Variants in HNRNPU observed in about 807,000 individuals in gnomAD.
HNRNPU encodes the protein heterogeneous nuclear ribonucleoprotein U.
A neutral mutation model predicts 94.7 loss-of-function variants in HNRNPU; 5 were observed. The observed-to-expected ratio is 0.05, with a 90% CI of 0.03 to 0.11. HNRNPU has a LOEUF of 0.11. HNRNPU is among the 10% of genes least tolerant of loss of function. The probability of loss-of-function intolerance (pLI) is 1.00; values close to 1 mark genes in which losing one functional copy is unlikely to be tolerated. For synonymous variants in HNRNPU, 434 were observed against 381.6 expected (o/e 1.14, Z -1.60); for missense variants, 710 against 1,049.2 (o/e 0.68, Z 4.47).
rs753245353 is a variant in HNRNPU at position 244,855,567 on chromosome 1, G to A, written c.2209C>T (p.Pro737Ser). 1 of 1,613,650 alleles carries A rather than the reference G, an allele frequency of 6.2e-7. No homozygotes were observed. Among genetic ancestry groups the A allele is most frequent in the East Asian group, 2.2e-5 (1 of 44,802 alleles). Residue 737 changes from proline to serine, a missense_variant, in exon 12 of 14, where the codon CCA becomes TCA. Coordinates refer to ENST00000640218, the MANE Select transcript of HNRNPU (RefSeq NM_031844.3). ...RGGYNRRGNMPQRGGGGGGSG... is the reference protein window; with the variant it reads ...RGGYNRRGNMSQRGGGGGGSG... Reference sequence around the variant, plus strand: ...CCTCCACCGCCACCACCTCTCTGTGGCATGTTGCCCCTCCTATTATATCCG... The same window carrying A: ...CCTCCACCGCCACCACCTCTCTGTGACATGTTGCCCCTCCTATTATATCCG...
intron 1 of HNRNPU, 95 bp from the exon 2 acceptor site, chr1:244,862,825 CT>C: frequency 1.2e-6 from 1 of 829,310 alleles, no homozygotes; most frequent in Non-Finnish European, 2.1e-6. Flanking sequence ...CTTTATCCTG[CT>C]TTTTAACTGA....
rs1680870795 is a variant in HNRNPU at position 244,862,726 on chromosome 1, G to A, written c.696C>T (p.Asp232=). 1 of 1,612,778 alleles carries A rather than the reference G, an allele frequency of 6.2e-7. No individual in the cohort carries two copies. The change falls in exon 2 of 14, where the codon GAC becomes GAT. Residue 232 remains aspartate (D), a synonymous_variant. Transcript: ENST00000640218. ...GGRPGAPAAG[D]GKTEQKGGDK... ...CTCCGCCTTTCTGTTCTGTTTTGCCGTCCCCTAAAACACACACGAGCCCCA... is the reference window on the plus strand; with the variant it reads ...CTCCGCCTTTCTGTTCTGTTTTGCCATCCCCTAAAACACACACGAGCCCCA...
intron 3 of HNRNPU, chr1:244,860,898 T>C (rs1237153403): frequency 1.1e-5 from 2 of 186,042 alleles, no homozygotes; most frequent in Non-Finnish European, 2.2e-5. Flanking sequence ...TATTTTAAAA[T>C]AGGAGTATGA....
At chr1:244,862,429 T>C (rs1203448543) in intron 3 of HNRNPU, 32 bp downstream of exon 3, 2 of 1,285,998 alleles carry the variant, frequency 1.6e-6, no homozygotes, top group African/African-American at 1.6e-5. Context: ...CATCACCGCA[T>C]TTCATAATTG....
chr1:244,857,313 T>C, intron 8 of HNRNPU: 1 of 300,754 alleles, frequency 3.3e-6, no homozygotes, highest in Non-Finnish European at 6.1e-6. Context: ...TGGCACGATC[T>C]CAACTCACTG....
rs549077007 is a variant in HNRNPU, at chr1:244,863,062, G to A, written c.692-332C>T. ...CGGCGCGGCGGCGCTCCCCTCCCCC[G>A]CGGGCCCGCGCTCCCCGCGGCCGCA... On this transcript the variant is annotated intron_variant, in intron 1 of 13. Coordinates refer to ENST00000640218, the MANE Select transcript of HNRNPU (RefSeq NM_031844.3). The A allele has an allele frequency of 1.7e-4, 51 of 295,760 alleles. 1 individual carries two copies. In the South Asian group the frequency reaches 2.2e-3, roughly 13 times the overall value. The allele number at this position is 295,760 out of a possible 1,614,324, so 18.3% of individuals were successfully genotyped here.
rs986959117 is a variant in HNRNPU at position 244,851,254 on chromosome 1, GTTT to G, written c.*3193_*3195del. ...TGTTTATGCCTCTCTGTTTATTCTAGTTTTTTAAAAATCAAATATACAAGATCT... is the reference window on the plus strand; with the variant it reads ...TGTTTATGCCTCTCTGTTTATTCTAGTTTAAAAATCAAATATACAAGATCT... On this transcript the variant is annotated 3_prime_UTR_variant, in exon 14 of 14. Coordinates refer to ENST00000640218, the MANE Select transcript of HNRNPU (RefSeq NM_031844.3). 8 of 151,772 alleles carry G rather than the reference GTTT, an allele frequency of 5.3e-5. No individual in the cohort carries two copies. Among genetic ancestry groups the G allele is most frequent in the Non-Finnish European group, 8.8e-5 (6 of 67,930 alleles). 9.4% of individuals were successfully genotyped at this position (151,772 alleles called of 1,614,324 possible). A position where few individuals can be genotyped will look rare whatever the true frequency, so the allele number is the denominator to read the frequency against.
rs747403316 is a variant in HNRNPU at position 244,863,766 on chromosome 1, T to C, written c.542A>G (p.Lys181Arg). ...QQPQQQRGAA[K>R]EAAGKSSGPT... is the part of the protein sequence containing the mutation. ...GCCGCTGCTCTTCCCCGCGGCCTCC[T>C]TGGCGGCCCCGCGCTGCTGTTGGGG... Residue 181 changes from lysine to arginine, a missense_variant, in exon 1 of 14, where the codon AAG becomes AGG. Transcript: ENST00000640218. 16 of 1,594,174 alleles carry C rather than the reference T, an allele frequency of 1.0e-5. No individual in the cohort carries two copies. The highest frequency in any genetic ancestry group is 1.2e-5 in the Non-Finnish European group (14 of 1,172,768).
Position 244,855,900 on chromosome 1 carries a change from T to C in HNRNPU, c.2167+4A>G, listed in dbSNP as rs1166714593. ...TAAATACAGAACACTCAAAATTAAC[T>C]TGCCTCCTCCTCTGAAATTTCCACC... On this transcript the variant is annotated splice_donor_region_variant and intron_variant, in intron 11 of 13. Coordinates refer to ENST00000640218, the MANE Select transcript of HNRNPU (RefSeq NM_031844.3). The C allele has an allele frequency of 6.2e-7, 1 of 1,613,028 alleles. No individual in the cohort carries two copies. The highest frequency in any genetic ancestry group is 2.2e-5 in the East Asian group (1 of 44,854).
Position 244,852,423 on chromosome 1 carries a change from GAAGA to G in HNRNPU, c.*2023_*2026del, listed in dbSNP as rs1680571228. The G allele has an allele frequency of 6.6e-6, 1 of 152,086 alleles. No homozygotes were observed. Among genetic ancestry groups the G allele is most frequent in the Admixed American group, 6.6e-5 (1 of 15,254 alleles). The allele number at this position is 152,086 out of a possible 1,614,324, so 9.4% of individuals were successfully genotyped here. A position where few individuals can be genotyped will look rare whatever the true frequency, so the allele number is the denominator to read the frequency against. On this transcript the variant is annotated 3_prime_UTR_variant, in exon 14 of 14. Transcript: ENST00000640218. ...TTCCTTAATAAGCAATTTTAAACTA[GAAGA>G]TATATCCAAAACTTTTTAAAGGCAC...
intron 3 of HNRNPU, 66 bp downstream of exon 3, chr1:244,862,395 T>TAAA (rs56937404): frequency 0.11 from 81,633 of 772,916 alleles, 1,630 homozygotes; most frequent in Middle Eastern, 0.16. Context: ...TTAAGACTTC[T>TAAA]AAAAAAAAAA....
Position 244,855,013 on chromosome 1 carries a change from T to C in HNRNPU, c.2384A>G (p.Tyr795Cys). ...GTTGTAGCCCTGAGATTGATTTTTG[T>C]AGCCACGATTGTTTCCTCGTCCTCT... ...NFRGRGNNRG[Y>C]KNQSQGYNQW... The change falls in exon 13 of 14, where the codon TAC (tyrosine) becomes TGC (cysteine). Residue 795 changes from tyrosine to cysteine, a missense_variant. Physicochemically the swap from Tyr to Cys is radical, Grantham distance 194 (BLOSUM62 -2). Transcript: ENST00000640218. The C allele has an allele frequency of 6.2e-7, 1 of 1,613,938 alleles. No homozygotes were observed. The highest frequency in any genetic ancestry group is 8.5e-7 in the Non-Finnish European group (1 of 1,179,808).
In HNRNPU at chr1:244,856,951, A is replaced by T. The variant is rs1332149715; in HGVS notation, c.1615-95T>A. 5 of 1,010,326 alleles carry T rather than the reference A, an allele frequency of 4.9e-6. No homozygotes were observed. The Admixed American group carries it at 9.8e-5, about 20-fold the overall frequency. 62.6% of individuals were successfully genotyped at this position (1,010,326 alleles called of 1,614,324 possible). A position where few individuals can be genotyped will look rare whatever the true frequency, so the allele number is the denominator to read the frequency against. ...CTCATATCTATATGTAAAGCAGGCA[A>T]CATTTTATAATTTAAATATTACCTT... On this transcript the variant is annotated intron_variant, in intron 8 of 13. Coordinates refer to ENST00000640218, the MANE Select transcript of HNRNPU (RefSeq NM_031844.3).
chr1:244,863,556 G>A, intron 1 of HNRNPU, 61 bp downstream of exon 1: 2 of 1,309,838 alleles, frequency 1.5e-6, no homozygotes, highest in Admixed American at 4.2e-5. Flanking sequence ...GGCAGGCCTG[G>A]GGCACGGTCC....
rs566074811 is a variant in HNRNPU at position 244,853,770 on chromosome 1, A to G, written c.*680T>C. The G allele has an allele frequency of 1.3e-5, 2 of 152,826 alleles. No homozygotes were observed. The highest frequency in any genetic ancestry group is 2.4e-5 in the African/African-American group (1 of 41,590). 9.5% of individuals were successfully genotyped at this position (152,826 alleles called of 1,614,324 possible). A position where few individuals can be genotyped will look rare whatever the true frequency, so the allele number is the denominator to read the frequency against. ...TTAACCTTCACAAGTTTGAGCCTCCACAAATAATGCAACCAAGTTTTACAT... is the reference window on the plus strand; with the variant it reads ...TTAACCTTCACAAGTTTGAGCCTCCGCAAATAATGCAACCAAGTTTTACAT... On this transcript the variant is annotated 3_prime_UTR_variant, in exon 14 of 14. Coordinates refer to ENST00000640218, the MANE Select transcript of HNRNPU (RefSeq NM_031844.3).
In HNRNPU at chr1:244,863,906, G is replaced by A. The variant is rs1263252282; in HGVS notation, c.402C>T (p.Asp134=). ...CTTCCCCTTCCTGGAAACCCTGATC[G>A]TCGCCGTTCTCGTCTTCCGAGGCGG... ...EEAASEDENG[D]DQGFQEGEDE... Residue 134 remains aspartate (D), a synonymous_variant, in exon 1 of 14, where the codon GAC becomes GAT. Transcript: ENST00000640218. 5 of 1,613,686 alleles carry A rather than the reference G, an allele frequency of 3.1e-6. No individual in the cohort carries two copies. Among genetic ancestry groups the A allele is most frequent in the African/African-American group, 2.7e-5 (2 of 74,872 alleles).
chr1:244,860,510 T>C lies in HNRNPU; in HGVS notation c.878-36A>G, dbSNP rs774356084. The C allele has an allele frequency of 2.1e-5, 32 of 1,549,572 alleles. No homozygotes were observed. The East Asian group carries it at 7.0e-4, about 34-fold the overall frequency. ...ATCAAATACTGTGTTACTTTTGACA[T>C]CCAATGTAAACATATCTGCTATGTA... On this transcript the variant is annotated intron_variant, in intron 3 of 13. Coordinates refer to ENST00000640218, the MANE Select transcript of HNRNPU (RefSeq NM_031844.3).
In HNRNPU at chr1:244,854,296, A is replaced by G. The variant is rs1680621158; in HGVS notation, c.*154T>C. 9.3e-6 allele frequency: 6 copies of G among 645,592 alleles called. No individual in the cohort carries two copies. In the East Asian group the frequency reaches 1.7e-4, roughly 18 times the overall value. The allele number at this position is 645,592 out of a possible 1,614,324, so 40.0% of individuals were successfully genotyped here. ...CTGCAATTAAAAATGTACAAAAAAG[A>G]AAAGAAAAAAAATCAACCCACAAAG... On this transcript the variant is annotated 3_prime_UTR_variant, in exon 14 of 14. Coordinates refer to ENST00000640218, the MANE Select transcript of HNRNPU (RefSeq NM_031844.3).
intron 6 of HNRNPU, 193 bp from the exon 7 acceptor site, chr1:244,858,467 A>G (rs1558187670): frequency 1.6e-6 from 1 of 617,380 alleles, no homozygotes; most frequent in East Asian, 2.8e-5. Flanking sequence ...CCAGAACCAG[A>G]AACAATACTG....
Sources: allele counts gnomAD v4.1 joint callset, GRCh38; gene constraint gnomAD v4.1.1; transcripts MANE v1.5; gene names NCBI Gene and HGNC (gene_info 2026-07-23, HGNC 2026-07-21).